MBD2: variants seen among roughly 807,000 people sequenced by gnomAD.
The protein encoded by MBD2 is methyl-CpG binding domain protein 2.
MBD2 carries 9 observed loss-of-function variants against 39.3 expected under a neutral mutation model. The ratio of observed to expected loss-of-function variants is 0.23; its 90% CI spans 0.14 to 0.40. The LOEUF is 0.40. Among genes scored for constraint, MBD2 ranks in the 10% least tolerant of loss-of-function variants. The pLI is 1.00. For synonymous variants in MBD2, 233 were observed against 211.1 expected, an observed-to-expected ratio of 1.10 and a Z score of -0.90; for missense variants, 458 against 532.6, an observed-to-expected ratio of 0.86 and a Z score of 1.38.
chr18:54,208,310 T>C (rs565677981), intron 1 of MBD2, among the ~76,000 whole-genome samples: 34 of 152,196 alleles, frequency 2.2e-4, no homozygotes, highest in Admixed American at 5.9e-4. Flanking sequence ...CTGACCAACA[T>C]GGAGAAAACC....
At chr18:54,205,301 A>G (rs1967308582) in intron 1 of MBD2, 144 bp from the exon 2 acceptor site, 2 of 760,684 alleles carry the variant, frequency 2.6e-6, no homozygotes, top group Non-Finnish European at 4.1e-6. Context: ...GCTAGGCGCG[A>G]TGGCTCACGC....
At chr18:54,190,670 T>G (rs2086314264) in intron 2 of MBD2, among the ~76,000 whole-genome samples, 1 of 152,232 alleles carries the variant, frequency 6.6e-6, no homozygotes, top group African/African-American at 2.4e-5. Context: ...CACAGGAACT[T>G]AATTTTTGTT....
intron 6 of MBD2, among the ~76,000 whole-genome samples, 168 bp downstream of exon 6, chr18:54,159,597 T>C (rs2086079884): frequency 6.6e-6 from 1 of 152,090 alleles, no homozygotes; most frequent in South Asian, 2.1e-4. Flanking sequence ...TTTTGTATTT[T>C]GGGTAGAGAT....
chr18:54,182,494 A>G (rs1366184423), intron 3 of MBD2, among the ~76,000 whole-genome samples: 1 of 152,192 alleles, frequency 6.6e-6, no homozygotes, highest in Non-Finnish European at 1.5e-5. Flanking sequence ...AAAATGTTCC[A>G]TATGATTTGA....
At chr18:54,188,358 GA>G (rs1332397918) in intron 3 of MBD2, among the ~76,000 whole-genome samples, 5 of 152,074 alleles carry the variant, frequency 3.3e-5, no homozygotes, top group Non-Finnish European at 2.9e-5. Flanking sequence ...TAAAGAAAGA[GA>G]AAAATAAATT....
chr18:54,175,353 G>C (rs1322895265), intron 3 of MBD2, among the ~76,000 whole-genome samples: 2 of 152,354 alleles, frequency 1.3e-5, no homozygotes, highest in East Asian at 3.9e-4. Flanking sequence ...TGAAGGTCTA[G>C]AGCCTCTATG....
chr18:54,189,464 C>T (rs1031781487), intron 2 of MBD2, among the ~76,000 whole-genome samples: 1 of 152,086 alleles, frequency 6.6e-6, no homozygotes, highest in Non-Finnish European at 1.5e-5. Context: ...CCTCATGATC[C>T]ACCCGCCTCG....
intron 5 of MBD2, among the ~76,000 whole-genome samples, chr18:54,162,968 A>T (rs946876593): frequency 5.3e-5 from 8 of 152,134 alleles, no homozygotes; most frequent in East Asian, 1.9e-4. Context: ...GGATTTTTTT[A>T]AAAAATACAA....
intron 3 of MBD2, among the ~76,000 whole-genome samples, chr18:54,175,575 A>C (rs964913912): frequency 2.0e-5 from 3 of 152,176 alleles, no homozygotes; most frequent in Non-Finnish European, 1.5e-5. Flanking sequence ...GATGCACTTG[A>C]ACACTGACAA....
rs56174434 is a variant in MBD2 at position 54,168,572 on chromosome 18, CATATATATAT to C, written c.841-2416_841-2407del. Among the ~76,000 whole-genome samples, 20 of 114,892 alleles carry C rather than the reference CATATATATAT, an allele frequency of 1.7e-4. 2 individuals carry two copies. The highest frequency in any genetic ancestry group is 5.3e-4 in the African/African-American group (14 of 26,440). The allele number at this position is 114,892 out of a possible 152,430, so 75.4% of individuals were successfully genotyped here. A position where few individuals can be genotyped will look rare whatever the true frequency, so the allele number is the denominator to read the frequency against. ...TTGTTATGCCATGAAAATGGAGATA[CATATATATAT>C]ATATATATATATATATTTATGTATG... On this transcript the variant is annotated intron_variant, in intron 3 of 6. Coordinates refer to ENST00000256429, the MANE Select transcript of MBD2 (RefSeq NM_003927.5).
chr18:54,224,326 CCGGCCA>C lies in MBD2; in HGVS notation c.228_233del (p.Gly95_Arg96del). Reference sequence around the variant, plus strand: ...CCCGTCCCCGGCCACGGCCCCGGCCCCGGCCACGGCCACAGACGCCGCCGCCCCGGC... The same window carrying C: ...CCCGTCCCCGGCCACGGCCCCGGCCCCGGCCACAGACGCCGCCGCCCCGGC... On this transcript the variant is annotated inframe_deletion, in exon 1 of 7. Transcript: ENST00000256429. 3 of 1,010,268 alleles carry C rather than the reference CCGGCCA, an allele frequency of 3.0e-6. No homozygotes were observed. Among genetic ancestry groups the C allele is most frequent in the African/African-American group, 1.7e-5 (1 of 57,268 alleles). The allele number at this position is 1,010,268 out of a possible 1,614,324, so 62.6% of individuals were successfully genotyped here.
At chr18:54,201,023 T>C (rs2086403572) in intron 2 of MBD2, among the ~76,000 whole-genome samples, 1 of 148,880 alleles carries the variant, frequency 6.7e-6, no homozygotes, top group Admixed American at 6.8e-5. Context: ...GAGCTTGCAG[T>C]GAGCCAAGAT....
At position 54,224,631 on chromosome 18, in the gene MBD2, C is replaced by T; in HGVS notation, c.-72G>A. The T allele has an allele frequency of 9.0e-7, 1 of 1,115,566 alleles. No homozygotes were observed. The highest frequency in any genetic ancestry group is 1.1e-6 in the Non-Finnish European group (1 of 882,540). The allele number at this position is 1,115,566 out of a possible 1,614,324, so 69.1% of individuals were successfully genotyped here. A position where few individuals can be genotyped will look rare whatever the true frequency, so the allele number is the denominator to read the frequency against. ...CTTGGAATCCCGGAGACCCGCCCCG[C>T]CCGCAGCGCGGCGCGCGGGGGACGC... is the stretch of plus-strand genomic sequence containing the variant. On this transcript the variant is annotated 5_prime_UTR_variant, in exon 1 of 7. Coordinates refer to ENST00000256429, the MANE Select transcript of MBD2 (RefSeq NM_003927.5).
At chr18:54,183,826 C>T (rs2086266241) in intron 3 of MBD2, among the ~76,000 whole-genome samples, 1 of 151,776 alleles carries the variant, frequency 6.6e-6, no homozygotes, top group African/African-American at 2.4e-5. Flanking sequence ...GGGAAGAAGC[C>T]AGTTTAGAGA....
At chr18:54,205,305 C>G in intron 1 of MBD2, 148 bp from the exon 2 acceptor site, 1 of 735,840 alleles carries the variant, frequency 1.4e-6, no homozygotes, top group East Asian at 2.7e-5. Context: ...GGCGCGATGG[C>G]TCACGCCTAT....
intron 3 of MBD2, among the ~76,000 whole-genome samples, chr18:54,177,827 CTTTTT>C (rs34113185): frequency 1.1e-5 from 1 of 87,198 alleles, no homozygotes; most frequent in African/African-American, 4.5e-5. Flanking sequence ...TTTTTCCTCT[CTTTTT>C]TTTTTTTTTT....
chr18:54,218,700 C>T (rs1268032383), intron 1 of MBD2, among the ~76,000 whole-genome samples: 2 of 152,296 alleles, frequency 1.3e-5, no homozygotes, highest in Middle Eastern at 3.4e-3. Context: ...CGGTGGCTCA[C>T]GCCTGTAATC....
At chr18:54,182,371 T>G (rs948917143) in intron 3 of MBD2, among the ~76,000 whole-genome samples, 1 of 152,154 alleles carries the variant, frequency 6.6e-6, no homozygotes, top group African/African-American at 2.4e-5. Context: ...TTGATGTCAC[T>G]TGAGAGATGA....
intron 1 of MBD2, among the ~76,000 whole-genome samples, chr18:54,219,435 G>A (rs1447516058): frequency 1.3e-5 from 2 of 152,150 alleles, no homozygotes; most frequent in Non-Finnish European, 2.9e-5. Flanking sequence ...GCATTGTGTC[G>A]AGGGGAAAGA....
Sources: allele counts gnomAD v4.1 joint callset (sites outside exome capture counted in the v4.1 genomes callset), GRCh38; gene constraint gnomAD v4.1.1; transcripts MANE v1.5; gene names NCBI Gene and HGNC (gene_info 2026-07-23, HGNC 2026-07-21).